Variants in LONRF2 observed in about 807,000 individuals in gnomAD.
The protein encoded by LONRF2 is LON peptidase N-terminal domain and RING finger protein 2.
A neutral mutation model predicts 66.6 loss-of-function variants in LONRF2; 35 were observed. The ratio of observed to expected loss-of-function variants is 0.53; its 90% CI spans 0.40 to 0.70. LONRF2 has a LOEUF of 0.70. LONRF2 is among the 30% of genes least tolerant of loss of function. The probability of loss-of-function intolerance (pLI) is 0.00; values close to 1 mark genes in which losing one functional copy is unlikely to be tolerated. For synonymous variants in LONRF2, 417 were observed against 418.1 expected (o/e 1.00, Z 0.03); for missense variants, 902 against 1,002.1 (o/e 0.90, Z 1.35).
Position 100,281,970 on chromosome 2 carries a change from G to A in LONRF2, c.*2328C>T, listed in dbSNP as rs1674749489. Reference sequence around the variant, plus strand: ...CACCCTGACCCGGTTCCTGATGCGTGATGTTTCTAAGTGCTCAGTAAGTAC... The same window carrying A: ...CACCCTGACCCGGTTCCTGATGCGTAATGTTTCTAAGTGCTCAGTAAGTAC... On this transcript the variant is annotated 3_prime_UTR_variant, in exon 12 of 12. Coordinates refer to ENST00000393437, the MANE Select transcript of LONRF2 (RefSeq NM_198461.4). The A allele has an allele frequency of 1.3e-5, 2 of 151,922 alleles. No homozygotes were observed. The highest frequency in any genetic ancestry group is 4.8e-5 in the African/African-American group (2 of 41,334). The allele number at this position is 151,922 out of a possible 1,614,324, so 9.4% of individuals were successfully genotyped here.
chr2:100,318,865 C>T (rs908250497), intron 1 of LONRF2, among the ~76,000 whole-genome samples: 6 of 148,858 alleles, frequency 4.0e-5, no homozygotes, highest in Admixed American at 2.0e-4. Context: ...GGCATGGTGG[C>T]TTACACCTGA....
chr2:100,296,651 G>A (rs1317640144), intron 7 of LONRF2, among the ~76,000 whole-genome samples: 1 of 152,176 alleles, frequency 6.6e-6, no homozygotes, highest in Non-Finnish European at 1.5e-5. Flanking sequence ...CTTTGGAAAC[G>A]CCTATGTTTG....
intron 1 of LONRF2, among the ~76,000 whole-genome samples, chr2:100,310,261 C>T (rs1307203284): frequency 6.6e-6 from 1 of 152,178 alleles, no homozygotes; most frequent in Non-Finnish European, 1.5e-5. Context: ...CCATCACAGC[C>T]ATTTTCCATA....
rs776869605 is a variant in LONRF2, at chr2:100,321,919, C to T, written c.175G>A (p.Gly59Ser). The change falls in exon 1 of 12, where the codon GGC becomes AGC. Residue 59 changes from glycine to serine, a missense_variant. Coordinates refer to ENST00000393437, the MANE Select transcript of LONRF2 (RefSeq NM_198461.4). ...MLAGLAQPDR[G>S]LCLRLGDALA... ...GCGTCCCCCAGCCTCAGGCACAGGC[C>T]GCGGTCCGGCTGCGCCAGCCCGGCT... is the stretch of plus-strand genomic sequence containing the variant. 7.3e-6 allele frequency: 10 copies of T among 1,363,406 alleles called. No individual in the cohort carries two copies. The highest frequency in any genetic ancestry group is 1.7e-5 in the South Asian group (1 of 58,366). 84.5% of individuals were successfully genotyped at this position (1,363,406 alleles called of 1,614,324 possible).
rs568639631 is a variant in LONRF2 at position 100,288,899 on chromosome 2, G to T, written c.1920+1359C>A. On this transcript the variant is annotated intron_variant, in intron 10 of 11. Coordinates refer to ENST00000393437, the MANE Select transcript of LONRF2 (RefSeq NM_198461.4). ...TGTGATCAGCACCTGGGCTGTTCCT[G>T]GTTTGGGGCTATAATGGAGTAAGAC... 8.5e-5 allele frequency among the ~76,000 whole-genome samples: 13 copies of T among 152,332 alleles called. No homozygotes were observed. In the South Asian group the frequency reaches 2.7e-3, roughly 32 times the overall value.
chr2:100,292,756 A>G (rs965441759), intron 9 of LONRF2, among the ~76,000 whole-genome samples: 1 of 152,200 alleles, frequency 6.6e-6, no homozygotes, highest in Non-Finnish European at 1.5e-5. Context: ...ACTCCTAATT[A>G]TAAAGGCAGT....
rs889239129 is a variant in LONRF2, at chr2:100,277,429, C to T, written c.*6869G>A. 14 of 152,416 alleles carry T rather than the reference C, an allele frequency of 9.2e-5. No homozygotes were observed. In the East Asian group the frequency reaches 1.2e-3, roughly 13 times the overall value. 9.4% of individuals were successfully genotyped at this position (152,416 alleles called of 1,614,324 possible). ...CACCTGACAAGCTCAGCAAAACTAC[C>T]GATGCCTCCTTAACACAGGACAGAG... is the stretch of plus-strand genomic sequence containing the variant. On this transcript the variant is annotated 3_prime_UTR_variant, in exon 12 of 12. Coordinates refer to ENST00000393437, the MANE Select transcript of LONRF2 (RefSeq NM_198461.4).
chr2:100,284,573 C>T, intron 11 of LONRF2, 81 bp from the exon 12 acceptor site: 1 of 1,192,076 alleles, frequency 8.4e-7, no homozygotes, highest in Non-Finnish European at 1.1e-6. Context: ...GCTCCACCAA[C>T]AGACACGTGA....
chr2:100,281,585 G>C lies in LONRF2; in HGVS notation c.*2713C>G, dbSNP rs1406172189. ...ACTTGCATTTCAAAGACACAGGCAG[G>C]TTTGGGCGATGAATGGAAAAATACA... On this transcript the variant is annotated 3_prime_UTR_variant, in exon 12 of 12. Transcript: ENST00000393437. The C allele has an allele frequency of 1.3e-5, 2 of 152,142 alleles. No individual in the cohort carries two copies. The allele number at this position is 152,142 out of a possible 1,614,324, so 9.4% of individuals were successfully genotyped here. A position where few individuals can be genotyped will look rare whatever the true frequency, so the allele number is the denominator to read the frequency against.
In LONRF2 at chr2:100,322,267, C is replaced by T; in HGVS notation, c.-174G>A. 3 of 548,246 alleles carry T rather than the reference C, an allele frequency of 5.5e-6. No homozygotes were observed. The highest frequency in any genetic ancestry group is 7.9e-6 in the Non-Finnish European group (3 of 379,118). The allele number at this position is 548,246 out of a possible 1,614,324, so 34.0% of individuals were successfully genotyped here. ...ACCGCGGGCGGGGGCGGGCGCCTGG[C>T]TTGGGCAGCGTCCTCAGCGCGGTGT... is the stretch of plus-strand genomic sequence containing the variant. On this transcript the variant is annotated 5_prime_UTR_variant, in exon 1 of 12. Transcript: ENST00000393437.
At chr2:100,294,106 G>T in intron 9 of LONRF2, 123 bp downstream of exon 9, 1 of 1,133,752 alleles carries the variant, frequency 8.8e-7, no homozygotes, top group Non-Finnish European at 1.3e-6. Flanking sequence ...CTTGAACTTG[G>T]ACTTTGTTAC....
rs1674557761 is a variant in LONRF2 at position 100,274,472 on chromosome 2, A to T, written c.*9826T>A. ...CTTATATTAATCATGCTTTTTTATA[A>T]TGTATAATGTTTTCACATCTTGGGG... On this transcript the variant is annotated 3_prime_UTR_variant, in exon 12 of 12. Coordinates refer to ENST00000393437, the MANE Select transcript of LONRF2 (RefSeq NM_198461.4). 1 of 152,182 alleles carries T rather than the reference A, an allele frequency of 6.6e-6. No homozygotes were observed. Among genetic ancestry groups the T allele is most frequent in the Non-Finnish European group, 1.5e-5 (1 of 68,030 alleles). The allele number at this position is 152,182 out of a possible 1,614,324, so 9.4% of individuals were successfully genotyped here.
rs1573118534 is a variant in LONRF2, at chr2:100,301,563, G to C, written c.922-776C>G. 2.0e-5 allele frequency among the ~76,000 whole-genome samples: 3 copies of C among 152,364 alleles called. No individual in the cohort carries two copies. In the South Asian group the frequency reaches 6.2e-4, roughly 32 times the overall value. ...ATGTCCTCAGCCCCAGCTCTGAGCA[G>C]CCTCAACAGAGCTGCTGGAGATGGA... On this transcript the variant is annotated intron_variant, in intron 3 of 11. Transcript: ENST00000393437.
chr2:100,293,583 A>G (rs916771331), intron 9 of LONRF2, among the ~76,000 whole-genome samples: 2 of 152,212 alleles, frequency 1.3e-5, no homozygotes, highest in African/African-American at 4.8e-5. Context: ...TCCCCAAATC[A>G]GTCCACAGAG....
Position 100,322,043 on chromosome 2 carries a change from G to C in LONRF2, c.51C>G (p.Cys17Trp). Reference sequence around the variant, plus strand: ...GCTGGGCGATCGGCTCCGCGCGGTCGCAGCCAGGACACTGGGGCGGCGGCG... The same window carrying C: ...GCTGGGCGATCGGCTCCGCGCGGTCCCAGCCAGGACACTGGGGCGGCGGCG... ...PPPPPPQCPG[C>W]DRAEPIAQRL... Residue 17 changes from cysteine (C) to tryptophan (W), a missense_variant, in exon 1 of 12, where the codon TGC becomes TGG. Cys to Trp is a radical substitution (Grantham distance 215, BLOSUM62 -2). Transcript: ENST00000393437. The C allele has an allele frequency of 7.4e-7, 1 of 1,346,698 alleles. No homozygotes were observed. The highest frequency in any genetic ancestry group is 9.5e-7 in the Non-Finnish European group (1 of 1,049,416). 83.4% of individuals were successfully genotyped at this position (1,346,698 alleles called of 1,614,324 possible).
At position 100,277,500 on chromosome 2, in the gene LONRF2, T is replaced by TC. The variant is rs1242062754; in HGVS notation, c.*6797dup. The stretch of plus-strand genomic sequence containing the variant: ...GTATTCTACCCACAGGAGGGTGGTC[T>TC]CCCATGTCCTCAGTCCCTTGTGAGG... On this transcript the variant is annotated 3_prime_UTR_variant, in exon 12 of 12. Transcript: ENST00000393437. The TC allele has an allele frequency of 6.6e-6, 1 of 152,158 alleles. No homozygotes were observed. The highest frequency in any genetic ancestry group is 6.5e-5 in the Admixed American group (1 of 15,268). The allele number at this position is 152,158 out of a possible 1,614,324, so 9.4% of individuals were successfully genotyped here.
Position 100,290,413 on chromosome 2 carries a change from C to T in LONRF2, c.1765G>A (p.Glu589Lys). The change falls in exon 10 of 12, where the codon GAG becomes AAG. Residue 589 changes from glutamate to lysine, a missense_variant. Transcript: ENST00000393437. The part of the protein sequence containing the change: ...CLSAEHAGLS[E>K]YGCMLEIKDV... ...TTAATCTCCAGCATGCATCCATACT[C>T]TGAAAGCCTGAAAAGACAGTTAGGA... is the stretch of plus-strand genomic sequence containing the variant. 2 of 1,606,680 alleles carry T rather than the reference C, an allele frequency of 1.2e-6. No homozygotes were observed. Among genetic ancestry groups the T allele is most frequent in the Middle Eastern group, 3.3e-4 (2 of 6,024 alleles).
intron 2 of LONRF2, among the ~76,000 whole-genome samples, chr2:100,307,147 C>T (rs1675314574): frequency 6.6e-6 from 1 of 152,098 alleles, no homozygotes; most frequent in African/African-American, 2.4e-5. Context: ...GTCTCGATCT[C>T]CTGACCTCGT....
At chr2:100,285,384 A>C (rs1674823473) in intron 11 of LONRF2, among the ~76,000 whole-genome samples, 1 of 152,330 alleles carries the variant, frequency 6.6e-6, no homozygotes, top group Admixed American at 6.5e-5. Context: ...TTTTATACAG[A>C]TTCACACTCT....
Sources: gnomAD v4.1 joint callset for allele counts (sites outside exome capture counted in the v4.1 genomes callset) on GRCh38, gnomAD v4.1.1 for gene constraint, MANE v1.5 for transcripts, NCBI Gene and HGNC (gene_info 2026-07-23, HGNC 2026-07-21) for gene names.